NECTIN1: variants seen among roughly 807,000 people sequenced by gnomAD.
NECTIN1 encodes nectin-1.
A neutral mutation model predicts 48.0 loss-of-function variants in NECTIN1; 23 were observed. The observed-to-expected ratio is 0.48, with a 90% CI of 0.34 to 0.68. The LOEUF is 0.68. Ranked by LOEUF, NECTIN1 falls within the 30% of genes least tolerant of loss-of-function variation. The pLI, the probability that NECTIN1 is intolerant of heterozygous loss-of-function variation, is 0.01. For synonymous variants in NECTIN1, 270 were observed against 288.9 expected, an observed-to-expected ratio of 0.93 and a Z score of 0.66; for missense variants, 591 against 709.9, an observed-to-expected ratio of 0.83 and a Z score of 1.90.
At chr11:119,656,434 C>T (rs1013634144), downstream of NECTIN1, 1 of 152,234 alleles carries the variant, frequency 6.6e-6, no homozygotes, top group African/African-American at 2.4e-5. Context: ...GACAAGATCC[C>T]AGTCCTCAAG....
chr11:119,677,186 C>A lies in NECTIN1; in HGVS notation c.767G>T (p.Gly256Val). 1 of 1,614,066 alleles carries A rather than the reference C, an allele frequency of 6.2e-7. No homozygotes were observed. Among genetic ancestry groups the A allele is most frequent in the Non-Finnish European group, 8.5e-7 (1 of 1,180,018 alleles). Reference sequence around the variant, plus strand: ...GTCCATCCGCTGCAGGTACCAGTTGCCATCAAACCCCTCAATGGTTACCTC... The same window carrying A: ...GTCCATCCGCTGCAGGTACCAGTTGACATCAAACCCCTCAATGGTTACCTC... ...EPEVTIEGFD[G>V]NWYLQRMDVK... Residue 256 changes from glycine to valine, a missense_variant, in exon 4 of 6, where the codon GGC becomes GTC. Gly to Val is a moderately radical substitution (Grantham distance 109, BLOSUM62 -3). Transcript: ENST00000264025. The surrounding 1 kb of genome is among the most constrained non-coding windows in gnomAD (Gnocchi z 5.4).
Position 119,684,039 on chromosome 11 carries a change from T to G in NECTIN1, c.80-5274A>C, listed in dbSNP as rs1865110829. Among the ~76,000 whole-genome samples the G allele has an allele frequency of 1.3e-5, 2 of 152,216 alleles. No individual in the cohort carries two copies. The highest frequency in any genetic ancestry group is 2.1e-4 in the South Asian group (1 of 4,826). Reference sequence around the variant, plus strand: ...CTGCTCCCCAAGGCCCTGCCTGCCATGGAGCTCATCCGCAAGCCAGTGCCA... The same window carrying G: ...CTGCTCCCCAAGGCCCTGCCTGCCAGGGAGCTCATCCGCAAGCCAGTGCCA... On this transcript the variant is annotated intron_variant, in intron 1 of 5. Coordinates refer to ENST00000264025, the MANE Select transcript of NECTIN1 (RefSeq NM_002855.5). This position sits in a 1 kb window ranked among gnomAD's most constrained non-coding sequence, Gnocchi z 5.2.
intron 7 of NECTIN1, chr11:119,638,369 C>T (rs1864268912): frequency 1.6e-6 from 2 of 1,288,296 alleles, no homozygotes; most frequent in Non-Finnish European, 2.2e-6. Flanking sequence ...CTGGCATCCC[C>T]CACACTGGTG....
intron 5 of NECTIN1, chr11:119,642,040 C>G (rs1864334142): frequency 6.6e-6 from 1 of 152,264 alleles, no homozygotes; most frequent in African/African-American, 2.4e-5. Context: ...CTTTCAGTCT[C>G]TTTTCTACAG....
chr11:119,722,833 G>A (rs1865855193), intron 1 of NECTIN1, among the ~76,000 whole-genome samples: 1 of 152,242 alleles, frequency 6.6e-6, no homozygotes, highest in African/African-American at 2.4e-5. Flanking sequence ...AAGGCATAGG[G>A]GATAGAAGTT....
Position 119,664,246 on chromosome 11 carries a change from C to T in NECTIN1, c.*501G>A. 4 of 991,582 alleles carry T rather than the reference C, an allele frequency of 4.0e-6. No individual in the cohort carries two copies. In the South Asian group the frequency reaches 1.8e-4, roughly 46 times the overall value. The allele number at this position is 991,582 out of a possible 1,614,324, so 61.4% of individuals were successfully genotyped here. A position where few individuals can be genotyped will look rare whatever the true frequency, so the allele number is the denominator to read the frequency against. Reference sequence around the variant, plus strand: ...CTAGACCCAAGGTCCAAACTCCCAGCTGCATCAGATTTCACTGGTGGGTGT... The same window carrying T: ...CTAGACCCAAGGTCCAAACTCCCAGTTGCATCAGATTTCACTGGTGGGTGT... On this transcript the variant is annotated 3_prime_UTR_variant, in exon 6 of 6. Transcript: ENST00000264025.
rs1389707495 is a variant in NECTIN1 at position 119,678,331 on chromosome 11, G to A, written c.430+84C>T. ...CATGCCCACCCAAGGGGGATGTCTG[G>A]GGTCATTGAGGCATCCTGAGGATGG... On this transcript the variant is annotated intron_variant, in intron 2 of 5. Transcript: ENST00000264025. This position sits in a 1 kb window ranked among gnomAD's most constrained non-coding sequence, Gnocchi z 4.4. 2.4e-6 allele frequency: 3 copies of A among 1,255,238 alleles called. No homozygotes were observed. In the African/African-American group the frequency reaches 4.4e-5, roughly 19 times the overall value. The allele number at this position is 1,255,238 out of a possible 1,614,324, so 77.8% of individuals were successfully genotyped here.
chr11:119,680,535 A>T (rs1865042389), intron 1 of NECTIN1, among the ~76,000 whole-genome samples: 1 of 152,196 alleles, frequency 6.6e-6, no homozygotes, highest in Non-Finnish European at 1.5e-5. Context: ...TGAGGGCCCC[A>T]AAACCCATGG....
Position 119,655,986 on chromosome 11 carries a change from C to T in NECTIN1, c.1004-15974G>A, listed in dbSNP as rs572571073. Among the ~76,000 whole-genome samples the T allele has an allele frequency of 3.9e-5, 6 of 152,354 alleles. No individual in the cohort carries two copies. In the East Asian group the frequency reaches 1.2e-3, roughly 29 times the overall value. On this transcript the variant is annotated intron_variant, in intron 5 of 7. Coordinates refer to the NECTIN1 transcript ENST00000341398. Reference sequence around the variant, plus strand: ...AATTAGAACTCACTGCAGCCTCCAACTCCTGGGCTCAAGCGATCCTCCCAC... The same window carrying T: ...AATTAGAACTCACTGCAGCCTCCAATTCCTGGGCTCAAGCGATCCTCCCAC...
At chr11:119,643,805 G>A (rs1454259317) in intron 5 of NECTIN1, among the ~76,000 whole-genome samples, 1 of 152,254 alleles carries the variant, frequency 6.6e-6, no homozygotes, top group African/African-American at 2.4e-5. Flanking sequence ...TGTGAGCCGG[G>A]AGAGCTGGAA....
Position 119,665,154 on chromosome 11 carries a change from G to A in NECTIN1, c.1147C>T (p.His383Tyr). Residue 383 changes from histidine to tyrosine, a missense_variant, in exon 6 of 6, where the codon CAC (histidine) becomes TAC (tyrosine). Physicochemically the swap from His to Tyr is moderately conservative, Grantham distance 83. Transcript: ENST00000264025. The surrounding 1 kb of genome is among the most constrained non-coding windows in gnomAD (Gnocchi z 5.1). Reference sequence around the variant, plus strand: ...GTGCTGTAGTCACCCTTGAAGGTGTGCCGGCGCCGACGCAGGGCGACCACG... The same window carrying A: ...GTGCTGTAGTCACCCTTGAAGGTGTACCGGCGCCGACGCAGGGCGACCACG... ...GIVVALRRRR[H>Y]TFKGDYSTKK... The A allele has an allele frequency of 6.2e-7, 1 of 1,613,380 alleles. No individual in the cohort carries two copies. The highest frequency in any genetic ancestry group is 8.5e-7 in the Non-Finnish European group (1 of 1,179,892).
At position 119,661,845 on chromosome 11, in the gene NECTIN1, T is replaced by C. The variant is rs372246353; in HGVS notation, c.*2902A>G. 26 of 985,080 alleles carry C rather than the reference T, an allele frequency of 2.6e-5. No homozygotes were observed. Among genetic ancestry groups the C allele is most frequent in the South Asian group, 4.7e-5 (1 of 21,278 alleles). The allele number at this position is 985,080 out of a possible 1,614,324, so 61.0% of individuals were successfully genotyped here. A position where few individuals can be genotyped will look rare whatever the true frequency, so the allele number is the denominator to read the frequency against. ...GGCTGTGCATGCATGCGTGTGTACA[T>C]GCGTGTACACATGCCTGCGCGTGGG... On this transcript the variant is annotated 3_prime_UTR_variant, in exon 6 of 6. Transcript: ENST00000264025.
Position 119,661,401 on chromosome 11 carries a change from C to G in NECTIN1, c.*3346G>C, listed in dbSNP as rs1186831328. The stretch of plus-strand genomic sequence containing the variant: ...GGCCTGCCTCCTGGCATCCCCGGTA[C>G]TGGGCAGTGTGTGAAGCCTCCCTGT... On this transcript the variant is annotated 3_prime_UTR_variant, in exon 6 of 6. Transcript: ENST00000264025. 6 of 986,070 alleles carry G rather than the reference C, an allele frequency of 6.1e-6. No homozygotes were observed. The South Asian group carries it at 2.8e-4, about 46-fold the overall frequency. 61.1% of individuals were successfully genotyped at this position (986,070 alleles called of 1,614,324 possible).
chr11:119,671,310 C>A (rs1864858815), intron 5 of NECTIN1, among the ~76,000 whole-genome samples: 1 of 152,046 alleles, frequency 6.6e-6, no homozygotes, highest in African/African-American at 2.4e-5. Flanking sequence ...TTTGTGTTTG[C>A]TGGCAGGGGC....
Position 119,663,950 on chromosome 11 carries a change from A to C in NECTIN1, c.*797T>G, listed in dbSNP as rs1565382238. ...GCAGGCAGAGAGGAGCAGTGTGTGC[A>C]TGTGTGTGTGTGTGCACGTGTCAGC... On this transcript the variant is annotated 3_prime_UTR_variant, in exon 6 of 6. Coordinates refer to ENST00000264025, the MANE Select transcript of NECTIN1 (RefSeq NM_002855.5). The C allele has an allele frequency of 1.0e-6, 1 of 981,294 alleles. No homozygotes were observed. Among genetic ancestry groups the C allele is most frequent in the South Asian group, 4.7e-5 (1 of 21,176 alleles). The allele number at this position is 981,294 out of a possible 1,614,324, so 60.8% of individuals were successfully genotyped here. A position where few individuals can be genotyped will look rare whatever the true frequency, so the allele number is the denominator to read the frequency against.
chr11:119,690,857 A>T (rs1865240662), intron 1 of NECTIN1, among the ~76,000 whole-genome samples: 1 of 152,068 alleles, frequency 6.6e-6, no homozygotes, highest in Non-Finnish European at 1.5e-5. Context: ...ATCACTGCAG[A>T]AGCCACTCAC....
chr11:119,672,596 C>T lies in NECTIN1; in HGVS notation c.1003+2563G>A, dbSNP rs913241450. On this transcript the variant is annotated intron_variant, in intron 5 of 5. Coordinates refer to ENST00000264025, the MANE Select transcript of NECTIN1 (RefSeq NM_002855.5). The surrounding 1 kb of genome is among the most constrained non-coding windows in gnomAD (Gnocchi z 4.3). Reference sequence around the variant, plus strand: ...TGGTGGCAGCTCCTAACGGGTGTGCCGGTGCCATCCACACAGCCCCCTGAA... The same window carrying T: ...TGGTGGCAGCTCCTAACGGGTGTGCTGGTGCCATCCACACAGCCCCCTGAA... Among the ~76,000 whole-genome samples, 8 of 152,178 alleles carry T rather than the reference C, an allele frequency of 5.3e-5. No individual in the cohort carries two copies. Among genetic ancestry groups the T allele is most frequent in the Admixed American group, 1.3e-4 (2 of 15,280 alleles).
chr11:119,659,804 T>G (rs1276763702), downstream of NECTIN1, among the ~76,000 whole-genome samples: 1 of 152,244 alleles, frequency 6.6e-6, no homozygotes, highest in Admixed American at 6.5e-5. Context: ...ATTAGGACGT[T>G]CTGTCCACTG....
chr11:119,674,321 C>A (rs1235286891), intron 5 of NECTIN1: 2 of 1,343,622 alleles, frequency 1.5e-6, no homozygotes, highest in Non-Finnish European at 1.9e-6. Flanking sequence ...GTTGTGATGG[C>A]AGTTTACCCC....
Sources: allele counts gnomAD v4.1 joint callset (sites outside exome capture counted in the v4.1 genomes callset), GRCh38; gene constraint gnomAD v4.1.1; non-coding constraint Gnocchi (gnomAD v3.1); transcripts MANE v1.5; gene names NCBI Gene and HGNC (gene_info 2026-07-23, HGNC 2026-07-21).